KIRREL3: variants seen among roughly 807,000 people sequenced by gnomAD.
KIRREL3 encodes the protein kirre like nephrin family adhesion molecule 3.
In KIRREL3, 36 loss-of-function variants were observed where a neutral mutation model predicts 89.7. The ratio of observed to expected loss-of-function variants is 0.40; its 90% CI spans 0.31 to 0.53. KIRREL3 has a LOEUF of 0.53. Among genes scored for constraint, KIRREL3 ranks in the 20% least tolerant of loss-of-function variants. KIRREL3 has a pLI of 0.49. For synonymous variants in KIRREL3, 445 were observed against 441.4 expected, an observed-to-expected ratio of 1.01 and a Z score of -0.10; for missense variants, 864 against 1,056.6, an observed-to-expected ratio of 0.82 and a Z score of 2.53.
At chr11:126,667,609 C>A (rs1289262247) in intron 1 of KIRREL3, among the ~76,000 whole-genome samples, 2 of 152,150 alleles carry the variant, frequency 1.3e-5, no homozygotes, top group Admixed American at 1.3e-4. Flanking sequence ...ACTCAGCAAT[C>A]AATTTATTCT....
intron 1 of KIRREL3, among the ~76,000 whole-genome samples, chr11:126,862,870 T>A (rs73030453): frequency 6.6e-6 from 1 of 152,208 alleles, no homozygotes; most frequent in Non-Finnish European, 1.5e-5. Context: ...GCCAGGCATT[T>A]GAGAAGCAGA....
chr11:126,966,207 G>A (rs1224004824), intron 1 of KIRREL3, among the ~76,000 whole-genome samples: 3 of 152,118 alleles, frequency 2.0e-5, no homozygotes, highest in Non-Finnish European at 4.4e-5. Flanking sequence ...TGTTACAAAC[G>A]GTAATTTGAC....
chr11:126,947,971 TG>T (rs1214697132), intron 1 of KIRREL3, among the ~76,000 whole-genome samples: 2 of 152,188 alleles, frequency 1.3e-5, no homozygotes, highest in African/African-American at 4.8e-5. Flanking sequence ...AACATGGTGT[TG>T]GGCTCCTTAG....
In KIRREL3 at chr11:126,631,123, G is replaced by T. The variant is rs4937162; in HGVS notation, c.56-68211C>A. Among the ~76,000 whole-genome samples the T allele has an allele frequency of 3.8e-3, 216 of 57,580 alleles. 5 individuals carry two copies. The South Asian group carries it at 0.078, about 21-fold the overall frequency. The allele number at this position is 57,580 out of a possible 152,430, so 37.8% of individuals were successfully genotyped here. On this transcript the variant is annotated intron_variant, in intron 1 of 16. Transcript: ENST00000525144. ...GTCTGTGCAATCAGTCTGTATGTAT[G>T]TATTCATTCATTCATTCATTCATTC...
intron 1 of KIRREL3, among the ~76,000 whole-genome samples, chr11:126,853,973 A>G (rs1944422828): frequency 2.0e-5 from 3 of 152,170 alleles, no homozygotes; most frequent in Non-Finnish European, 1.5e-5. Context: ...TGCATCAACA[A>G]GTAGTGCACA....
chr11:126,914,964 A>T (rs996224322), intron 1 of KIRREL3, among the ~76,000 whole-genome samples: 7 of 152,252 alleles, frequency 4.6e-5, no homozygotes, highest in African/African-American at 1.7e-4. Context: ...ACAACTTGGC[A>T]GATGATGTCA....
intron 4 of KIRREL3, among the ~76,000 whole-genome samples, chr11:126,487,110 A>C (rs913330774): frequency 6.6e-6 from 1 of 152,224 alleles, no homozygotes; most frequent in Non-Finnish European, 1.5e-5. Flanking sequence ...GGGGTTTAAA[A>C]AATAAGCACA....
intron 1 of KIRREL3, among the ~76,000 whole-genome samples, chr11:126,573,068 T>TGG (rs1565562191): frequency 6.6e-6 from 1 of 151,778 alleles, no homozygotes; most frequent in Admixed American, 6.5e-5. Flanking sequence ...GGGGTGGAGA[T>TGG]GTGTGGGCTA....
At position 126,494,938 on chromosome 11, in the gene KIRREL3, C is replaced by T. The variant is rs548354494; in HGVS notation, c.434-21472G>A. ...ACAAGGGCCCCGGGCCTGAGGGATG[C>T]GGGTGGCGTGGGACGGGGAGAAGCG... is the stretch of plus-strand genomic sequence containing the variant. On this transcript the variant is annotated intron_variant, in intron 4 of 16. Transcript: ENST00000525144. Among the ~76,000 whole-genome samples the T allele has an allele frequency of 4.6e-5, 7 of 152,304 alleles. No homozygotes were observed. The East Asian group carries it at 7.7e-4, about 17-fold the overall frequency.
chr11:126,971,570 A>G (rs1949425423), intron 1 of KIRREL3, among the ~76,000 whole-genome samples: 1 of 152,134 alleles, frequency 6.6e-6, no homozygotes, highest in Non-Finnish European at 1.5e-5. Flanking sequence ...CAGCAGTCCT[A>G]TAGGAGAGTG....
rs1389077079 is a variant in KIRREL3, at chr11:126,520,346, T to C, written c.433+969A>G. 5.9e-5 allele frequency among the ~76,000 whole-genome samples: 9 copies of C among 151,972 alleles called. No individual in the cohort carries two copies. Among genetic ancestry groups the C allele is most frequent in the African/African-American group, 1.9e-4 (8 of 41,364 alleles). Reference sequence around the variant, plus strand: ...ACTCACGTGTAAGGGGGCAGCGAGGTGGGGCAGGTAGCCCTGGAGCCCTGG... The same window carrying C: ...ACTCACGTGTAAGGGGGCAGCGAGGCGGGGCAGGTAGCCCTGGAGCCCTGG... On this transcript the variant is annotated intron_variant, in intron 4 of 16. Coordinates refer to ENST00000525144, the MANE Select transcript of KIRREL3 (RefSeq NM_032531.4). This position sits in a 1 kb window ranked among gnomAD's most constrained non-coding sequence, Gnocchi z 4.9.
Position 126,719,345 on chromosome 11 carries a change from C to T in KIRREL3, c.56-156433G>A, listed in dbSNP as rs533666829. On this transcript the variant is annotated intron_variant, in intron 1 of 16. Transcript: ENST00000525144. This position sits in a 1 kb window ranked among gnomAD's most constrained non-coding sequence, Gnocchi z 4.7. ...TAGCCTCTGGGAGAGCAGTCTCTTACGGGTCTACTCTTACTCACAGCTACT... is the reference window on the plus strand; with the variant it reads ...TAGCCTCTGGGAGAGCAGTCTCTTATGGGTCTACTCTTACTCACAGCTACT... Among the ~76,000 whole-genome samples the T allele has an allele frequency of 2.2e-4, 34 of 152,280 alleles. No homozygotes were observed. Among genetic ancestry groups the T allele is most frequent in the East Asian group, 2.1e-3 (11 of 5,174 alleles).
upstream of KIRREL3, chr11:127,000,841 C>T (rs115633552): frequency 1.4e-3 from 623 of 433,284 alleles, 7 homozygotes; most frequent in African/African-American, 0.011. This position sits in a 1 kb window ranked among gnomAD's most constrained non-coding sequence, Gnocchi z 7.1. Context: ...GAGCTAGTGA[C>T]GAGTGACAGA....
In KIRREL3 at chr11:126,747,382, C is replaced by T. The variant is rs891264938; in HGVS notation, c.56-184470G>A. ...CCATACTGAAAGCTAGTACCGTCGT[C>T]CCATGCTCTTCCCCATTATGTCCTC... On this transcript the variant is annotated intron_variant, in intron 1 of 16. Coordinates refer to ENST00000525144, the MANE Select transcript of KIRREL3 (RefSeq NM_032531.4). The surrounding 1 kb of genome is among the most constrained non-coding windows in gnomAD (Gnocchi z 4.7). 6.6e-6 allele frequency among the ~76,000 whole-genome samples: 1 copy of T among 152,210 alleles called. No homozygotes were observed. Among genetic ancestry groups the T allele is most frequent in the African/African-American group, 2.4e-5 (1 of 41,444 alleles).
rs974824723 is a variant in KIRREL3, at chr11:126,668,064, C to T, written c.56-105152G>A. On this transcript the variant is annotated intron_variant, in intron 1 of 16. Transcript: ENST00000525144. This position sits in a 1 kb window ranked among gnomAD's most constrained non-coding sequence, Gnocchi z 4.4. Reference sequence around the variant, plus strand: ...CCCTCATAAGGGGTTGATAGCTGAGCCCCTGTGTCTTAGTCAGTTTCGGCT... The same window carrying T: ...CCCTCATAAGGGGTTGATAGCTGAGTCCCTGTGTCTTAGTCAGTTTCGGCT... 1.3e-5 allele frequency among the ~76,000 whole-genome samples: 2 copies of T among 152,148 alleles called. No individual in the cohort carries two copies. The highest frequency in any genetic ancestry group is 2.9e-5 in the Non-Finnish European group (2 of 68,024).
chr11:126,814,231 C>CT lies in KIRREL3; in HGVS notation c.55+186223dup, dbSNP rs200287553. 9.8e-4 allele frequency among the ~76,000 whole-genome samples: 149 copies of CT among 151,316 alleles called. No homozygotes were observed. The highest frequency in any genetic ancestry group is 2.2e-3 in the African/African-American group (91 of 41,234). ...TACCATCTCATGCCAGGCAGAATGG[C>CT]TTTTTTTTTAAAATTAAAAAGTCAA... On this transcript the variant is annotated intron_variant, in intron 1 of 16. Transcript: ENST00000525144. This position sits in a 1 kb window ranked among gnomAD's most constrained non-coding sequence, Gnocchi z 4.4.
intron 7 of KIRREL3, among the ~76,000 whole-genome samples, chr11:126,452,939 G>A (rs1357941947): frequency 3.3e-5 from 5 of 152,134 alleles, no homozygotes; most frequent in Non-Finnish European, 7.3e-5. Flanking sequence ...CCACGCAGCT[G>A]GCCAAGGATC....
rs116546524 is a variant in KIRREL3 at position 126,989,715 on chromosome 11, C to T, written c.55+10740G>A. On this transcript the variant is annotated intron_variant, in intron 1 of 16. Transcript: ENST00000525144. This position sits in a 1 kb window ranked among gnomAD's most constrained non-coding sequence, Gnocchi z 6.2. ...GAAAGGCATGACGAAGTCTTAGGGC[C>T]AACAGGGGAACGAAGTCTTAGGGCC... 0.01 allele frequency among the ~76,000 whole-genome samples: 1,559 copies of T among 152,216 alleles called. 48 individuals carry two copies. In the East Asian group the frequency reaches 0.12, roughly 12 times the overall value.
rs1944444463 is a variant in KIRREL3 at position 126,640,950 on chromosome 11, C to G, written c.56-78038G>C. On this transcript the variant is annotated intron_variant, in intron 1 of 16. Coordinates refer to ENST00000525144, the MANE Select transcript of KIRREL3 (RefSeq NM_032531.4). The surrounding 1 kb of genome is among the most constrained non-coding windows in gnomAD (Gnocchi z 4.9). ...TTTTGTATCCACAGCCTAGACCACC[C>G]CCTAAACTCTGGACTCATCTATCCA... Among the ~76,000 whole-genome samples, 1 of 152,148 alleles carries G rather than the reference C, an allele frequency of 6.6e-6. No homozygotes were observed. The highest frequency in any genetic ancestry group is 6.5e-5 in the Admixed American group (1 of 15,274).
Sources: gnomAD v4.1 joint callset for allele counts (sites outside exome capture counted in the v4.1 genomes callset) on GRCh38, gnomAD v4.1.1 for gene constraint, Gnocchi (gnomAD v3.1) non-coding constraint, MANE v1.5 for transcripts, NCBI Gene and HGNC (gene_info 2026-07-23, HGNC 2026-07-21) for gene names.